CCDC6: variants seen among roughly 807,000 people sequenced by gnomAD.
The protein encoded by CCDC6 is coiled-coil domain containing 6.
Under a neutral mutation model 56.6 loss-of-function variants are expected in CCDC6, and 20 were observed. That is an observed-to-expected ratio of 0.35 (90% CI 0.25 to 0.51). The LOEUF (loss-of-function observed/expected upper bound fraction) is 0.51, where lower values mean the gene tolerates loss of function less well. CCDC6 is among the 20% of genes least tolerant of loss of function. The probability of loss-of-function intolerance (pLI) is 0.95; values close to 1 mark genes in which losing one functional copy is unlikely to be tolerated. For missense variants in CCDC6, 367 were observed against 601.1 expected (o/e 0.61, Z 4.07); for synonymous variants, 241 against 234.4 (o/e 1.03, Z -0.26).
intron 7 of CCDC6, among the ~76,000 whole-genome samples, chr10:59,804,146 T>C (rs2070599746): frequency 6.6e-6 from 1 of 151,768 alleles, no homozygotes; most frequent in South Asian, 2.1e-4. Flanking sequence ...GTCAAAGACA[T>C]TCTTCTTTTT....
intron 3 of CCDC6, among the ~76,000 whole-genome samples, chr10:59,826,322 C>T (rs906204530): frequency 3.9e-5 from 6 of 152,192 alleles, no homozygotes; most frequent in Admixed American, 1.3e-4. Context: ...ATACTTTTTA[C>T]TACCTATTTT....
intron 2 of CCDC6, among the ~76,000 whole-genome samples, chr10:59,842,397 C>T (rs970120154): frequency 2.0e-5 from 3 of 152,294 alleles, no homozygotes; most frequent in East Asian, 1.9e-4. Flanking sequence ...TCTTAGTTCA[C>T]TAATTTTTAT....
intron 2 of CCDC6, among the ~76,000 whole-genome samples, chr10:59,851,713 T>C (rs2071041127): frequency 1.3e-5 from 2 of 152,202 alleles, no homozygotes; most frequent in Admixed American, 6.5e-5. Flanking sequence ...GAAATTGTTA[T>C]TGATGATGTT....
intron 2 of CCDC6, among the ~76,000 whole-genome samples, chr10:59,844,033 C>T (rs1425008369): frequency 6.6e-6 from 1 of 152,178 alleles, no homozygotes; most frequent in East Asian, 1.9e-4. Context: ...TTCCCACCTT[C>T]CTTCAGATCT....
At chr10:59,903,437 A>C (rs980820245) in intron 1 of CCDC6, among the ~76,000 whole-genome samples, 1 of 152,186 alleles carries the variant, frequency 6.6e-6, no homozygotes, top group African/African-American at 2.4e-5. Context: ...GTGTTACGTG[A>C]AGATAAAAGT....
chr10:59,817,358 T>G (rs2070717388), intron 3 of CCDC6, among the ~76,000 whole-genome samples: 1 of 152,162 alleles, frequency 6.6e-6, no homozygotes, highest in Non-Finnish European at 1.5e-5. Flanking sequence ...TTTTTTATTT[T>G]TTGTAGAGAT....
intron 1 of CCDC6, among the ~76,000 whole-genome samples, chr10:59,898,421 C>T (rs1447013500): frequency 6.6e-6 from 1 of 152,236 alleles, no homozygotes; most frequent in African/African-American, 2.4e-5. Flanking sequence ...ACTTGTTACC[C>T]TTAAAGATAT....
In CCDC6 at chr10:59,873,460, C is replaced by T. The variant is rs188344616; in HGVS notation, c.304-20758G>A. On this transcript the variant is annotated intron_variant, in intron 1 of 8. Transcript: ENST00000263102. ...ACTAGAAGAATCACAGAAGGATCTT[C>T]CCCGGCCAGAGGTTTCCAAGGGAGA... Among the ~76,000 whole-genome samples the T allele has an allele frequency of 2.5e-3, 374 of 152,272 alleles. 2 individuals carry two copies. The highest frequency in any genetic ancestry group is 0.011 in the Admixed American group (174 of 15,290).
chr10:59,842,005 T>A (rs1372077586), intron 2 of CCDC6, among the ~76,000 whole-genome samples: 1 of 151,720 alleles, frequency 6.6e-6, no homozygotes, highest in African/African-American at 2.4e-5. Context: ...AGTTAACTTT[T>A]CACAATCAAA....
At chr10:59,854,788 TAA>T (rs2071067663) in intron 1 of CCDC6, among the ~76,000 whole-genome samples, 3 of 152,224 alleles carry the variant, frequency 2.0e-5, no homozygotes, top group Non-Finnish European at 1.5e-5. Flanking sequence ...CATACATATC[TAA>T]GCCTGCCATC....
chr10:59,896,131 T>C (rs997345124), intron 1 of CCDC6, among the ~76,000 whole-genome samples: 1 of 152,238 alleles, frequency 6.6e-6, no homozygotes, highest in African/African-American at 2.4e-5. Flanking sequence ...GATTTTAACC[T>C]GCATCCTTTC....
At chr10:59,845,784 C>T (rs2070986150) in intron 2 of CCDC6, among the ~76,000 whole-genome samples, 1 of 152,154 alleles carries the variant, frequency 6.6e-6, no homozygotes, top group Non-Finnish European at 1.5e-5. Flanking sequence ...AAAAACAAGC[C>T]AGGAGGGCCA....
At chr10:59,818,057 G>A (rs1052850758) in intron 3 of CCDC6, among the ~76,000 whole-genome samples, 1 of 152,102 alleles carries the variant, frequency 6.6e-6, no homozygotes, top group Non-Finnish European at 1.5e-5. Context: ...GCTGGGTCCT[G>A]TCCAACCAGC....
intron 1 of CCDC6, among the ~76,000 whole-genome samples, chr10:59,853,035 T>C (rs2071052062): frequency 6.6e-6 from 1 of 150,678 alleles, no homozygotes; most frequent in African/African-American, 2.5e-5. Context: ...AAGATCCTTC[T>C]AATGTAGCAG....
intron 1 of CCDC6, among the ~76,000 whole-genome samples, chr10:59,872,771 T>C (rs1191764367): frequency 3.5e-5 from 3 of 86,472 alleles, no homozygotes; most frequent in Admixed American, 1.2e-4. Flanking sequence ...AGAGGATAAC[T>C]TTCCAGATGG....
chr10:59,884,742 T>G (rs1224911707), intron 1 of CCDC6, among the ~76,000 whole-genome samples: 2 of 152,206 alleles, frequency 1.3e-5, no homozygotes, highest in East Asian at 1.9e-4. Flanking sequence ...CACTTGTATT[T>G]GCATAATATG....
At chr10:59,903,828 GACTCT>G (rs1220705292) in intron 1 of CCDC6, among the ~76,000 whole-genome samples, 1 of 152,096 alleles carries the variant, frequency 6.6e-6, no homozygotes, top group Non-Finnish European at 1.5e-5. Context: ...TTGTTCAATG[GACTCT>G]ACATTCACAG....
chr10:59,867,530 T>C (rs1184621947), intron 1 of CCDC6, among the ~76,000 whole-genome samples: 1 of 152,170 alleles, frequency 6.6e-6, no homozygotes, highest in Admixed American at 6.5e-5. Flanking sequence ...TCCTTTCTAT[T>C]GATAACTTTT....
chr10:59,832,760 AT>A, intron 2 of CCDC6, 107 bp from the exon 3 acceptor site: 1 of 1,223,946 alleles, frequency 8.2e-7, no homozygotes, highest in Non-Finnish European at 1.1e-6. Context: ...CAAAAGTTAC[AT>A]TACCCATTTT....
Sources: allele counts gnomAD v4.1 joint callset (sites outside exome capture counted in the v4.1 genomes callset), GRCh38; gene constraint gnomAD v4.1.1; transcripts MANE v1.5; gene names NCBI Gene and HGNC (gene_info 2026-07-23, HGNC 2026-07-21).